The following TASP1 variants were observed in gnomAD, a reference collection of about 807,000 sequenced individuals.
The protein encoded by TASP1 is threonine aspartase 1.
TASP1 carries 16 observed loss-of-function variants against 56.6 expected under a neutral mutation model. The observed-to-expected ratio is 0.28, with a 90% CI of 0.19 to 0.43. The LOEUF (loss-of-function observed/expected upper bound fraction) is 0.43. Ranked by LOEUF, TASP1 falls within the 20% of genes least tolerant of loss-of-function variation. The probability of loss-of-function intolerance (pLI) is 1.00; values close to 1 mark genes in which losing one functional copy is unlikely to be tolerated. For missense variants in TASP1, 393 were observed against 511.6 expected (o/e 0.77, Z 2.24); for synonymous variants, 179 against 184.2 (o/e 0.97, Z 0.23).
chr20:13,377,132 C>T, the TASP1 span, among the ~76,000 whole-genome samples: 3,284 of 152,242 alleles, frequency 0.022, 57 homozygotes, highest in Non-Finnish European at 0.035. Flanking sequence ...GTGGTGAGAG[C>T]GGGCATGCTT....
chr20:13,231,382 G>T, the TASP1 span, among the ~76,000 whole-genome samples: 5,393 of 152,270 alleles, frequency 0.035, 272 homozygotes, highest in African/African-American at 0.11. Context: ...CAAAGGTCAC[G>T]CCTAGGCAAA....
At chr20:13,542,154 A>C (rs921763643) in intron 8 of TASP1, among the ~76,000 whole-genome samples, 3 of 152,210 alleles carry the variant, frequency 2.0e-5, no homozygotes, top group Non-Finnish European at 2.9e-5. Context: ...CTAAAGCATA[A>C]GTATATGGAA....
At chr20:13,417,853 G>A (rs2042310321) in intron 12 of TASP1, among the ~76,000 whole-genome samples, 1 of 151,596 alleles carries the variant, frequency 6.6e-6, no homozygotes, top group African/African-American at 2.4e-5. Flanking sequence ...ATATTCCATA[G>A]TGTGTTTTAT....
intron 13 of TASP1, among the ~76,000 whole-genome samples, chr20:13,407,694 A>G (rs1393600118): frequency 6.6e-6 from 1 of 152,178 alleles, no homozygotes; most frequent in East Asian, 1.9e-4. Flanking sequence ...CATTCCTATC[A>G]GTGATATATG....
the TASP1 span, among the ~76,000 whole-genome samples, chr20:13,263,655 C>T: frequency 3.3e-5 from 5 of 152,120 alleles, no homozygotes; most frequent in East Asian, 1.9e-4. Context: ...GATAAAGCCC[C>T]GAGTGTGTTT....
chr20:13,291,249 C>T, the TASP1 span, among the ~76,000 whole-genome samples: 60 of 152,308 alleles, frequency 3.9e-4, no homozygotes, highest in African/African-American at 1.4e-3. Context: ...TCCTTTCTGC[C>T]TCTCAGTTCC....
chr20:13,386,238 ATAT>A (rs2041161880), downstream of TASP1, among the ~76,000 whole-genome samples: 2 of 152,172 alleles, frequency 1.3e-5, no homozygotes, highest in Admixed American at 1.3e-4. Flanking sequence ...TCTTTTTGTG[ATAT>A]TATTAAATGA....
At chr20:13,388,026 T>C (rs1482419642), downstream of TASP1, among the ~76,000 whole-genome samples, 1 of 152,186 alleles carries the variant, frequency 6.6e-6, no homozygotes, top group African/African-American at 2.4e-5. Flanking sequence ...AGTGACCACC[T>C]TGAGGAATCC....
chr20:13,521,981 G>A (rs2044778452), intron 10 of TASP1, among the ~76,000 whole-genome samples: 1 of 152,154 alleles, frequency 6.6e-6, no homozygotes, highest in Admixed American at 6.6e-5. Context: ...TTTGAATAAA[G>A]GTCTGATGAG....
chr20:13,377,504 T>C, the TASP1 span, among the ~76,000 whole-genome samples: 4 of 152,248 alleles, frequency 2.6e-5, no homozygotes, highest in Non-Finnish European at 5.9e-5. Context: ...TTTGCATCAG[T>C]GTTCATCAGG....
intron 12 of TASP1, among the ~76,000 whole-genome samples, chr20:13,422,696 A>C (rs2042487551): frequency 6.6e-6 from 1 of 152,216 alleles, no homozygotes; most frequent in Non-Finnish European, 1.5e-5. Context: ...TGGCAAAATC[A>C]CCATTAAAAA....
chr20:13,428,766 C>T lies in TASP1; in HGVS notation c.1096+6278G>A, dbSNP rs545022309. Among the ~76,000 whole-genome samples, 4 of 152,198 alleles carry T rather than the reference C, an allele frequency of 2.6e-5. No individual in the cohort carries two copies. The South Asian group carries it at 8.3e-4, about 32-fold the overall frequency. On this transcript the variant is annotated intron_variant, in intron 12 of 13. Coordinates refer to ENST00000337743, the MANE Select transcript of TASP1 (RefSeq NM_017714.3). ...CAAAATCATCTAGTTCTTGGATGCT[C>T]CTCATTATCCAACATTTCCAACCAA...
At chr20:13,340,591 G>GTAATATTA in the TASP1 span, among the ~76,000 whole-genome samples, 1 of 151,826 alleles carries the variant, frequency 6.6e-6, no homozygotes, top group Non-Finnish European at 1.5e-5. Flanking sequence ...TTTGACACAA[G>GTAATATTA]CATACAATGT....
chr20:13,550,986 G>A (rs1214979226), intron 8 of TASP1, among the ~76,000 whole-genome samples: 1 of 151,962 alleles, frequency 6.6e-6, no homozygotes, highest in Non-Finnish European at 1.5e-5. Context: ...ATTTCAAGAT[G>A]GTGGATAAAA....
At chr20:13,596,370 G>A (rs1174512973) in intron 4 of TASP1, among the ~76,000 whole-genome samples, 9 of 111,662 alleles carry the variant, frequency 8.1e-5, no homozygotes, top group African/African-American at 2.3e-4. Flanking sequence ...AGTGAAACTC[G>A]TAAAAAAAAA....
At chr20:13,463,470 T>C (rs2044133424) in intron 11 of TASP1, among the ~76,000 whole-genome samples, 1 of 152,006 alleles carries the variant, frequency 6.6e-6, no homozygotes, top group African/African-American at 2.4e-5. Context: ...TGACTTTTTG[T>C]ATATGACACC....
At chr20:13,587,186 T>C in intron 5 of TASP1, 64 bp downstream of exon 5, 2 of 1,535,092 alleles carry the variant, frequency 1.3e-6, no homozygotes, top group East Asian at 2.3e-5. Flanking sequence ...TAATCATCTT[T>C]AGAAGGCATG....
At chr20:13,625,321 C>A in intron 2 of TASP1, 69 bp from the exon 3 acceptor site, 1 of 1,316,450 alleles carries the variant, frequency 7.6e-7, no homozygotes, top group Non-Finnish European at 1.1e-6. Context: ...TATATAAATA[C>A]TCCATATAAA....
chr20:13,356,617 CCTT>C, the TASP1 span, among the ~76,000 whole-genome samples: 6 of 152,184 alleles, frequency 3.9e-5, no homozygotes, highest in African/African-American at 1.4e-4. Flanking sequence ...ATGGAGCAGA[CCTT>C]CTTGCTTATC....
Sources: allele counts gnomAD v4.1 joint callset (sites outside exome capture counted in the v4.1 genomes callset), GRCh38; gene constraint gnomAD v4.1.1; transcripts MANE v1.5; gene names NCBI Gene and HGNC (gene_info 2026-07-23, HGNC 2026-07-21).